DNAH17: variants seen among roughly 807,000 people sequenced by gnomAD.
DNAH17 encodes the protein dynein axonemal heavy chain 17.
A neutral mutation model predicts 485.6 loss-of-function variants in DNAH17; 376 were observed. That is an observed-to-expected ratio of 0.77 (90% CI 0.71 to 0.84). DNAH17 has a LOEUF of 0.84. Among genes scored for constraint, DNAH17 ranks in the 40% least tolerant of loss-of-function variants. The probability of loss-of-function intolerance (pLI) is 0.00; values close to 1 mark genes in which losing one functional copy is unlikely to be tolerated. For synonymous variants in DNAH17, 3,031 were observed against 2,405.9 expected, an observed-to-expected ratio of 1.26 and a Z score of -7.60; for missense variants, 6,370 against 5,839.3, an observed-to-expected ratio of 1.09 and a Z score of -2.96.
intron 33 of DNAH17, 68 bp from the exon 34 acceptor site, chr17:78,501,941 G>A (rs1448560668): frequency 2.5e-6 from 4 of 1,597,930 alleles, no homozygotes; most frequent in African/African-American, 1.3e-5. Flanking sequence ...CTTGTGGCTG[G>A]GTGCCCACAG....
At chr17:78,552,949 C>A in intron 14 of DNAH17, 144 bp from the exon 15 acceptor site, 1 of 652,136 alleles carries the variant, frequency 1.5e-6, no homozygotes, top group Non-Finnish European at 2.7e-6. Context: ...TTGTAATCCC[C>A]AGTGTTGGAG....
Position 78,507,337 on chromosome 17 carries a change from G to T in DNAH17, c.4617C>A (p.Asn1539Lys), listed in dbSNP as rs752188212. ...CGGGTTTGCTGGTGGCTTCCACCAC[G>T]TTGGGTGTTTTCACTGCATCTTCCA... is the stretch of plus-strand genomic sequence containing the variant. ...ALMEDAVKTPNVVEATSKPGL... is the reference protein window; with the variant it reads ...ALMEDAVKTPKVVEATSKPGL... Residue 1539 changes from asparagine to lysine, a missense_variant, in exon 29 of 81, where the codon AAC (asparagine) becomes AAA (lysine). Transcript: ENST00000389840. 1.3e-5 allele frequency: 21 copies of T among 1,613,920 alleles called. No individual in the cohort carries two copies. The highest frequency in any genetic ancestry group is 1.8e-5 in the Non-Finnish European group (21 of 1,179,906).
chr17:78,427,183 CCCAA>C, intron 77 of DNAH17, 75 bp from the exon 78 acceptor site: 1 of 1,475,112 alleles, frequency 6.8e-7, no homozygotes, highest in Non-Finnish European at 9.2e-7. Flanking sequence ...AGGGAGCCTG[CCCAA>C]AATGTTCCCA....
chr17:78,441,245 C>T (rs1231567244), intron 71 of DNAH17, 46 bp from the exon 72 acceptor site: 1 of 1,607,730 alleles, frequency 6.2e-7, no homozygotes, highest in Admixed American at 1.7e-5. Flanking sequence ...AGGCTCTGGG[C>T]CAGGGCGGGG....
chr17:78,481,202 G>A (rs2001805), intron 48 of DNAH17, among the ~76,000 whole-genome samples: 5,567 of 150,062 alleles, frequency 0.037, 335 homozygotes, highest in African/African-American at 0.13. Context: ...TCCTGGGTTC[G>A]CCCCATTCTC....
At chr17:78,564,630 C>A (rs775604100) in intron 11 of DNAH17, among the ~76,000 whole-genome samples, 2 of 152,046 alleles carry the variant, frequency 1.3e-5, no homozygotes, top group Non-Finnish European at 2.9e-5. Context: ...TATGCTAGAG[C>A]GAAACTACCT....
chr17:78,530,761 GGCA>G (rs2143304290), intron 20 of DNAH17, among the ~76,000 whole-genome samples: 1 of 152,308 alleles, frequency 6.6e-6, no homozygotes, highest in South Asian at 2.1e-4. Context: ...AAGGGGTCAT[GGCA>G]GCAGGACTTC....
intron 69 of DNAH17, among the ~76,000 whole-genome samples, chr17:78,448,667 G>A (rs577821679): frequency 6.6e-6 from 1 of 152,250 alleles, no homozygotes; most frequent in Non-Finnish European, 1.5e-5. Flanking sequence ...AATCCTCAGT[G>A]CAACAGTGTT....
intron 42 of DNAH17, among the ~76,000 whole-genome samples, chr17:78,492,006 G>C (rs2089880132): frequency 6.6e-6 from 1 of 152,186 alleles, no homozygotes; most frequent in Non-Finnish European, 1.5e-5. Flanking sequence ...ACTTCTAGTA[G>C]GGGAAGTGAG....
In DNAH17 at chr17:78,495,870, C is replaced by T. The variant is rs538653749; in HGVS notation, c.5903+5G>A. ...CAGCCACTCACTTTCACCTGGGCCA[C>T]GTACCTGAATAAGGCTTTTAGGTTC... is the stretch of plus-strand genomic sequence containing the variant. On this transcript the variant is annotated splice_donor_5th_base_variant and intron_variant, in intron 38 of 80. Transcript: ENST00000389840. 14 of 1,610,232 alleles carry T rather than the reference C, an allele frequency of 8.7e-6. No homozygotes were observed. In the East Asian group the frequency reaches 8.9e-5, roughly 10 times the overall value.
At chr17:78,560,164 G>A (rs561019322) in intron 13 of DNAH17, among the ~76,000 whole-genome samples, 33 of 152,296 alleles carry the variant, frequency 2.2e-4, no homozygotes, top group Middle Eastern at 6.8e-3. Flanking sequence ...CTCTCTGACT[G>A]TCTGGATCAC....
intron 33 of DNAH17, 156 bp from the exon 34 acceptor site, chr17:78,502,029 C>A (rs898472952): frequency 2.3e-5 from 24 of 1,061,274 alleles, no homozygotes; most frequent in Non-Finnish European, 3.2e-5. Context: ...CAGCCAGGCA[C>A]TGGTTTCACC....
rs569849164 is a variant in DNAH17 at position 78,541,583 on chromosome 17, G to A, written c.2533-1703C>T. 4.6e-5 allele frequency among the ~76,000 whole-genome samples: 7 copies of A among 152,142 alleles called. No individual in the cohort carries two copies. In the South Asian group the frequency reaches 1.5e-3, roughly 32 times the overall value. ...GGCTCTAATGACTGTCATGAGAGTA[G>A]CCATACGTGGTGACAGAGTTGTGCA... is the stretch of plus-strand genomic sequence containing the variant. On this transcript the variant is annotated intron_variant, in intron 17 of 80. Coordinates refer to ENST00000389840, the MANE Select transcript of DNAH17 (RefSeq NM_173628.4).
chr17:78,528,203 G>T (rs2091129321), intron 22 of DNAH17, among the ~76,000 whole-genome samples: 1 of 152,168 alleles, frequency 6.6e-6, no homozygotes, highest in Non-Finnish European at 1.5e-5. Context: ...TACCCCAGTT[G>T]CCTCGTGTGT....
At chr17:78,528,635 A>G (rs959273842) in intron 22 of DNAH17, among the ~76,000 whole-genome samples, 2 of 151,872 alleles carry the variant, frequency 1.3e-5, no homozygotes, top group Admixed American at 1.3e-4. Context: ...TCCAGGCCAG[A>G]CTCAAGAGAT....
chr17:78,566,517 T>C, intron 11 of DNAH17, 97 bp downstream of exon 11: 1 of 901,300 alleles, frequency 1.1e-6, no homozygotes, highest in Admixed American at 2.1e-5. Context: ...CAGCTCTACA[T>C]GGAGAGGATG....
At chr17:78,492,150 C>T (rs947583567) in intron 42 of DNAH17, among the ~76,000 whole-genome samples, 1 of 152,106 alleles carries the variant, frequency 6.6e-6, no homozygotes, top group Non-Finnish European at 1.5e-5. Flanking sequence ...ACCCTGCTCC[C>T]GCTGACTCCT....
intron 49 of DNAH17, 99 bp downstream of exon 49, chr17:78,480,585 G>A (rs2089305732): frequency 2.1e-6 from 2 of 964,574 alleles, no homozygotes; most frequent in Non-Finnish European, 3.0e-6. Flanking sequence ...ATGTCGGCCT[G>A]CAGCCCTAAC....
chr17:78,532,847 A>T lies in DNAH17; in HGVS notation c.2860-111T>A, dbSNP rs957708247. 4.8e-6 allele frequency: 6 copies of T among 1,253,906 alleles called. No homozygotes were observed. In the African/African-American group the frequency reaches 9.1e-5, roughly 19 times the overall value. 77.7% of individuals were successfully genotyped at this position (1,253,906 alleles called of 1,614,324 possible). A position where few individuals can be genotyped will look rare whatever the true frequency, so the allele number is the denominator to read the frequency against. ...GTTCTCTGTTGGCGAAAGGGCTTCC[A>T]ATCTCTCATGATGACCTGCTCTTTT... On this transcript the variant is annotated intron_variant, in intron 19 of 80. Transcript: ENST00000389840.
Sources: gnomAD v4.1 joint callset for allele counts (sites outside exome capture counted in the v4.1 genomes callset) on GRCh38, gnomAD v4.1.1 for gene constraint, MANE v1.5 for transcripts, NCBI Gene and HGNC (gene_info 2026-07-23, HGNC 2026-07-21) for gene names.